SPINK1: variants seen among roughly 807,000 people sequenced by gnomAD.
The protein encoded by SPINK1 is serine peptidase inhibitor Kazal type 1.
Under a neutral mutation model 9.5 loss-of-function variants are expected in SPINK1, and 5 were observed. The observed-to-expected ratio is 0.52, with a 90% CI of 0.27 to 1.10. The LOEUF is 1.10. SPINK1 is among the 50% of genes least tolerant of loss of function. The pLI, the probability that SPINK1 is intolerant of heterozygous loss-of-function variation, is 0.11. For synonymous variants in SPINK1, 37 were observed against 32.3 expected, an observed-to-expected ratio of 1.14 and a Z score of -0.49; for missense variants, 88 against 92.7, an observed-to-expected ratio of 0.95 and a Z score of 0.21.
Position 147,828,063 on chromosome 5 carries a change from T to C in SPINK1, c.153A>G (p.Gly51=). 1 of 1,613,640 alleles carries C rather than the reference T, an allele frequency of 6.2e-7. No individual in the cohort carries two copies. Among genetic ancestry groups the C allele is most frequent in the Non-Finnish European group, 8.5e-7 (1 of 1,179,882 alleles). The change falls in exon 3 of 4, where the codon GGA becomes GGG. Residue 51 remains glycine, a synonymous_variant. Coordinates refer to ENST00000296695, the MANE Select transcript of SPINK1 (RefSeq NM_001379610.1). ...ACACGCATTCATTGGGATAAGTATTTCCATCAGTCCCACAGACAGGGTCAT... is the reference window on the plus strand; with the variant it reads ...ACACGCATTCATTGGGATAAGTATTCCCATCAGTCCCACAGACAGGGTCAT... The part of the protein sequence containing the change: ...KIYDPVCGTD[G]NTYPNECVLC...
upstream of SPINK1, among the ~76,000 whole-genome samples, chr5:147,836,299 TG>T (rs1756594312): frequency 7.0e-5 from 3 of 42,822 alleles, no homozygotes; most frequent in Non-Finnish European, 1.4e-4. Context: ...TACTGATTTG[TG>T]TGTGTGTGTG....
At chr5:147,832,222 C>A (rs542631343), upstream of SPINK1, among the ~76,000 whole-genome samples, 26 of 152,138 alleles carry the variant, frequency 1.7e-4, no homozygotes, top group Non-Finnish European at 2.8e-4. Context: ...GCCACTTTTG[C>A]TGTGCTTCTG....
At chr5:147,831,817 C>T, upstream of SPINK1, 13 of 1,383,116 alleles carry the variant, frequency 9.4e-6, no homozygotes, top group Non-Finnish European at 1.2e-5. Flanking sequence ...ACATGCAAGG[C>T]AAAGATTCTG....
the SPINK1 span, among the ~76,000 whole-genome samples, chr5:147,837,756 C>T: frequency 6.8e-6 from 1 of 146,820 alleles, no homozygotes; most frequent in Non-Finnish European, 1.5e-5. Flanking sequence ...GGCTGGAGTG[C>T]AGTGGCATGA....
intron 2 of SPINK1, 26 bp from the exon 3 acceptor site, chr5:147,828,154 T>C: frequency 6.5e-7 from 1 of 1,550,298 alleles, no homozygotes; most frequent in Non-Finnish European, 8.9e-7. Context: ...AACAGAATCA[T>C]TTCCCATTAT....
At chr5:147,833,858 C>T (rs1257008651), upstream of SPINK1, among the ~76,000 whole-genome samples, 1 of 152,128 alleles carries the variant, frequency 6.6e-6, no homozygotes, top group African/African-American at 2.4e-5. Flanking sequence ...TATCTTTATT[C>T]CCCAAGAGAT....
At chr5:147,836,626 G>T (rs1286635863), upstream of SPINK1, among the ~76,000 whole-genome samples, 1 of 152,160 alleles carries the variant, frequency 6.6e-6, no homozygotes, top group African/African-American at 2.4e-5. Context: ...TGTGGGCATA[G>T]TAGACTTTAA....
the SPINK1 span, among the ~76,000 whole-genome samples, chr5:147,837,134 T>C: frequency 6.6e-6 from 1 of 152,036 alleles, no homozygotes. Context: ...AAAATTCAAA[T>C]TTTTTTTGTA....
chr5:147,837,705 CTT>C, the SPINK1 span, among the ~76,000 whole-genome samples: 5 of 130,082 alleles, frequency 3.8e-5, no homozygotes, highest in African/African-American at 1.4e-4. Context: ...TTCTTTCTTT[CTT>C]TCTTTCTTTT....
At chr5:147,839,160 C>T in the SPINK1 span, among the ~76,000 whole-genome samples, 1 of 152,212 alleles carries the variant, frequency 6.6e-6, no homozygotes, top group Admixed American at 6.5e-5. Context: ...GAAGCAAACA[C>T]ATCCTTCTTC....
At chr5:147,835,267 A>T (rs966686557), upstream of SPINK1, among the ~76,000 whole-genome samples, 9 of 152,168 alleles carry the variant, frequency 5.9e-5, no homozygotes, top group Non-Finnish European at 1.3e-4. Flanking sequence ...CCAAGAAACC[A>T]TAAGTAAATA....
chr5:147,838,447 C>G, the SPINK1 span, among the ~76,000 whole-genome samples: 2 of 152,132 alleles, frequency 1.3e-5, no homozygotes, highest in Non-Finnish European at 2.9e-5. Context: ...TGGTCCCATA[C>G]TCTTAACCAA....
At chr5:147,831,084 AAT>A (rs1373786667) in intron 1 of SPINK1, among the ~76,000 whole-genome samples, 2 of 152,338 alleles carry the variant, frequency 1.3e-5, no homozygotes, top group Non-Finnish European at 2.9e-5. Context: ...AAACCTATAC[AAT>A]AAAAAAATAA....
At chr5:147,832,745 G>A (rs993318893), upstream of SPINK1, among the ~76,000 whole-genome samples, 5 of 152,058 alleles carry the variant, frequency 3.3e-5, no homozygotes, top group African/African-American at 1.2e-4. Flanking sequence ...CCTTTTCTCT[G>A]AGCCAGGAGT....
upstream of SPINK1, chr5:147,831,778 A>G: frequency 7.0e-7 from 1 of 1,425,348 alleles, no homozygotes; most frequent in Non-Finnish European, 9.1e-7. Context: ...CCTGTGTAAG[A>G]AAGGTGAAAG....
intron 1 of SPINK1, 84 bp from the exon 2 acceptor site, chr5:147,829,714 G>T (rs1457534523): frequency 1.1e-5 from 14 of 1,270,998 alleles, no homozygotes; most frequent in Non-Finnish European, 1.5e-5. Context: ...TGCTTTCATT[G>T]CAGACTGTGA....
At chr5:147,837,358 C>T in the SPINK1 span, among the ~76,000 whole-genome samples, 1 of 152,080 alleles carries the variant, frequency 6.6e-6, no homozygotes, top group Admixed American at 6.6e-5. Context: ...AAACAAACCC[C>T]TCTGTGGGGT....
At chr5:147,836,976 A>G in the SPINK1 span, among the ~76,000 whole-genome samples, 2 of 152,226 alleles carry the variant, frequency 1.3e-5, no homozygotes, top group African/African-American at 2.4e-5. Flanking sequence ...TAACATTTCC[A>G]GCATGTCATT....
At chr5:147,835,007 AC>A (rs929717916), upstream of SPINK1, among the ~76,000 whole-genome samples, 1 of 152,062 alleles carries the variant, frequency 6.6e-6, no homozygotes, top group Non-Finnish European at 1.5e-5. Flanking sequence ...TATCCTATGG[AC>A]CCTAGACAAT....
Sources: allele counts gnomAD v4.1 joint callset (sites outside exome capture counted in the v4.1 genomes callset), GRCh38; gene constraint gnomAD v4.1.1; transcripts MANE v1.5; gene names NCBI Gene and HGNC (gene_info 2026-07-23, HGNC 2026-07-21).